Variants in UBR2 observed in about 807,000 individuals in gnomAD.
UBR2 encodes ubiquitin protein ligase E3 component n-recognin 2, also known as E3 ubiquitin-protein ligase UBR2.
Under a neutral mutation model 247.9 loss-of-function variants are expected in UBR2, and 92 were observed. The observed-to-expected ratio is 0.37, with a 90% CI of 0.31 to 0.44. The LOEUF is 0.44. Among genes scored for constraint, UBR2 ranks in the 20% least tolerant of loss-of-function variants. The pLI is 1.00. For missense variants in UBR2, 1,613 were observed against 2,112.6 expected (o/e 0.76, Z 4.64); for synonymous variants, 672 against 693.5 (o/e 0.97, Z 0.49).
intron 11 of UBR2, chr6:42,619,561 C>T: frequency 4.5e-6 from 1 of 221,880 alleles, no homozygotes; most frequent in Non-Finnish European, 8.6e-6. Flanking sequence ...CCAGCCTGGC[C>T]AACATGGTGA....
rs1412923255 is a variant in UBR2 at position 42,605,729 on chromosome 6, G to A, written c.671G>A (p.Ser224Asn). ...AATATTTTATCACACAGAGAGAAGA[G>A]TGACACCTACTATTGCATGCTGTTT... The part of the protein sequence containing the change: ...LPADLEMVEK[S>N]DTYYCMLFND... Residue 224 changes from serine (S) to asparagine (N), a missense_variant, in exon 6 of 47, where the codon AGT becomes AAT. By Grantham distance (46) the Ser-to-Asn change is conservative. Transcript: ENST00000372901. The A allele has an allele frequency of 6.2e-7, 1 of 1,601,982 alleles. No homozygotes were observed. The highest frequency in any genetic ancestry group is 1.3e-5 in the African/African-American group (1 of 74,196).
intron 4 of UBR2, among the ~76,000 whole-genome samples, chr6:42,595,435 G>T (rs62414612): frequency 0.068 from 10,376 of 152,056 alleles, 490 homozygotes; most frequent in South Asian, 0.12. Context: ...TATAGATTTG[G>T]GGCAAGTGGA....
intron 21 of UBR2, among the ~76,000 whole-genome samples, chr6:42,647,417 TAAAAAAAAAA>T (rs750938791): frequency 0.17 from 17,142 of 102,320 alleles, 1,427 homozygotes; most frequent in African/African-American, 0.23. Flanking sequence ...CCATCGCTAC[TAAAAAAAAAA>T]AAAAAAAAAA....
intron 2 of UBR2, among the ~76,000 whole-genome samples, chr6:42,586,757 C>A (rs1268868541): frequency 2.0e-5 from 3 of 150,310 alleles, no homozygotes. Context: ...ACGAACCTTG[C>A]ATTTATAGTT....
rs569237656 is a variant in UBR2, at chr6:42,679,209, G to A, written c.4610-515G>A. 3.3e-5 allele frequency among the ~76,000 whole-genome samples: 5 copies of A among 152,336 alleles called. No individual in the cohort carries two copies. The East Asian group carries it at 7.7e-4, about 23-fold the overall frequency. On this transcript the variant is annotated intron_variant, in intron 41 of 46. Coordinates refer to ENST00000372901, the MANE Select transcript of UBR2 (RefSeq NM_001363705.2). Reference sequence around the variant, plus strand: ...TATCCCACAGTGCCTGGCACTGGCCGTAGAGTACCTGCATGCAGTGCTACT... The same window carrying A: ...TATCCCACAGTGCCTGGCACTGGCCATAGAGTACCTGCATGCAGTGCTACT...
At chr6:42,608,470 A>AC (rs986603120) in intron 7 of UBR2, among the ~76,000 whole-genome samples, 7 of 152,122 alleles carry the variant, frequency 4.6e-5, no homozygotes, top group African/African-American at 1.7e-4. Context: ...TACAAAAAAA[A>AC]ATTTAAAAAA....
intron 21 of UBR2, among the ~76,000 whole-genome samples, chr6:42,647,575 A>G (rs1046355988): frequency 1.3e-5 from 2 of 152,078 alleles, no homozygotes; most frequent in African/African-American, 4.8e-5. Flanking sequence ...CAGCCTGGGT[A>G]ACAATGTGAG....
chr6:42,627,488 TTTG>T (rs1365484968), intron 11 of UBR2, among the ~76,000 whole-genome samples: 1 of 151,924 alleles, frequency 6.6e-6, no homozygotes, highest in African/African-American at 2.4e-5. Context: ...ACCGTCTTTG[TTTG>T]TTTTTTTGGT....
intron 8 of UBR2, 124 bp downstream of exon 8, chr6:42,612,415 C>A: frequency 8.6e-7 from 1 of 1,168,136 alleles, no homozygotes. Context: ...TTTTAAAATA[C>A]CATTTCAAAA....
At chr6:42,685,748 A>C (rs1799347551) in intron 44 of UBR2, among the ~76,000 whole-genome samples, 1 of 152,078 alleles carries the variant, frequency 6.6e-6, no homozygotes, top group Non-Finnish European at 1.5e-5. Flanking sequence ...ACATACAAGC[A>C]GCATAAAGAA....
At position 42,681,162 on chromosome 6, in the gene UBR2, CA is replaced by C. The variant is rs59312824; in HGVS notation, c.4718+1350del. 3.9e-3 allele frequency among the ~76,000 whole-genome samples: 198 copies of C among 50,590 alleles called. 1 individual carries two copies. Among genetic ancestry groups the C allele is most frequent in the East Asian group, 5.7e-3 (9 of 1,576 alleles). 33.2% of individuals were successfully genotyped at this position (50,590 alleles called of 152,430 possible). A position where few individuals can be genotyped will look rare whatever the true frequency, so the allele number is the denominator to read the frequency against. On this transcript the variant is annotated intron_variant, in intron 42 of 46. Coordinates refer to ENST00000372901, the MANE Select transcript of UBR2 (RefSeq NM_001363705.2). ...TGGGGGACAAAGCGAGACTCCGTCT[CA>C]AAAAAAAAAAAAAAAAAAAGAAAGA...
Position 42,650,385 on chromosome 6 carries a change from A to T in UBR2, c.2564A>T (p.Lys855Met). The T allele has an allele frequency of 6.2e-7, 1 of 1,609,552 alleles. No homozygotes were observed. The change falls in exon 23 of 47, where the codon AAG (lysine) becomes ATG (methionine). Residue 855 changes from lysine (K) to methionine (M), a missense_variant and splice_region_variant. By Grantham distance (95) the Lys-to-Met change is moderately conservative. Transcript: ENST00000372901. ...FYHFSRAEQS[K>M]AEEAQRKLKR... The stretch of plus-strand genomic sequence containing the variant: ...CACTTTTCAAGGGCAGAACAGTCCA[A>T]GGTAATTGGGAAAATTAAAAATGTA...
chr6:42,630,737 T>A (rs1486451883), intron 11 of UBR2, among the ~76,000 whole-genome samples: 2 of 152,204 alleles, frequency 1.3e-5, no homozygotes, highest in Non-Finnish European at 2.9e-5. Context: ...GAATTTAACA[T>A]CTATATTAGA....
intron 11 of UBR2, among the ~76,000 whole-genome samples, chr6:42,629,297 G>A (rs1002589629): frequency 1.3e-5 from 2 of 149,532 alleles, no homozygotes; most frequent in South Asian, 2.1e-4. Context: ...GATTACAGGC[G>A]TGAGCCACTG....
chr6:42,598,178 A>G (rs989767329), intron 4 of UBR2, among the ~76,000 whole-genome samples: 1 of 152,184 alleles, frequency 6.6e-6, no homozygotes, highest in African/African-American at 2.4e-5. Flanking sequence ...CTACAAGCCA[A>G]ATCTTGTCCA....
At chr6:42,602,733 A>T (rs1305304185) in intron 4 of UBR2, among the ~76,000 whole-genome samples, 1 of 146,006 alleles carries the variant, frequency 6.8e-6, no homozygotes. Flanking sequence ...TATATTTTGC[A>T]CTATGTTTTA....
At chr6:42,671,752 C>T (rs2151983648) in intron 36 of UBR2, among the ~76,000 whole-genome samples, 1 of 152,308 alleles carries the variant, frequency 6.6e-6, no homozygotes, top group Admixed American at 6.5e-5. Context: ...CCCACTCTCC[C>T]TCCTCCATCC....
At chr6:42,579,393 C>T (rs1791732280) in intron 2 of UBR2, among the ~76,000 whole-genome samples, 1 of 152,200 alleles carries the variant, frequency 6.6e-6, no homozygotes, top group Admixed American at 6.5e-5. Flanking sequence ...CCAGGCCCCA[C>T]CTCCAACATT....
intron 1 of UBR2, among the ~76,000 whole-genome samples, chr6:42,566,505 C>G (rs1221160819): frequency 6.6e-6 from 1 of 152,182 alleles, no homozygotes; most frequent in African/African-American, 2.4e-5. Flanking sequence ...CTGCCTCAGC[C>G]TCCCGAATTA....
Sources: gnomAD v4.1 joint callset for allele counts (sites outside exome capture counted in the v4.1 genomes callset) on GRCh38, gnomAD v4.1.1 for gene constraint, MANE v1.5 for transcripts, NCBI Gene and HGNC (gene_info 2026-07-23, HGNC 2026-07-21) for gene names.